The following WDPCP variants were observed in gnomAD, a reference collection of about 807,000 sequenced individuals.
WDPCP encodes the protein WD repeat containing planar cell polarity effector.
In WDPCP, 71 loss-of-function variants were observed where a neutral mutation model predicts 93.1. The observed-to-expected ratio is 0.76, with a 90% confidence interval of 0.63 to 0.93. The LOEUF (loss-of-function observed/expected upper bound fraction) is 0.93. Among genes scored for constraint, WDPCP ranks in the 40% least tolerant of loss-of-function variants. WDPCP has a pLI of 0.00. For missense variants in WDPCP, 844 were observed against 887.4 expected, an observed-to-expected ratio of 0.95 and a Z score of 0.62; for synonymous variants, 315 against 315.0, an observed-to-expected ratio of 1.00 and a Z score of 0.00.
At chr2:63,488,474 A>G (rs147412294) in intron 2 of WDPCP, among the ~76,000 whole-genome samples, 214 of 152,236 alleles carry the variant, frequency 1.4e-3, no homozygotes, top group African/African-American at 5.1e-3. Flanking sequence ...GAGGCATACA[A>G]TTTTAAAGAA....
chr2:63,145,319 G>A (rs189492269), intron 17 of WDPCP, among the ~76,000 whole-genome samples: 4 of 150,378 alleles, frequency 2.7e-5, no homozygotes, highest in South Asian at 2.2e-4. Context: ...CTGGCACTCC[G>A]AAGATTATAT....
In WDPCP at chr2:63,526,391, G is replaced by C. The variant is rs115697316; in HGVS notation, c.76-33451C>G. 3.8e-3 allele frequency among the ~76,000 whole-genome samples: 579 copies of C among 152,278 alleles called. 4 individuals carry two copies. Among genetic ancestry groups the C allele is most frequent in the African/African-American group, 0.013 (541 of 41,552 alleles). The stretch of plus-strand genomic sequence containing the variant: ...ATTTTAAAATATTTGGGGTGAAAAG[G>C]AGAAGCAGTGGCAACTGTTTGAAAA... On this transcript the variant is annotated intron_variant, in intron 1 of 17. Coordinates refer to ENST00000272321, the MANE Select transcript of WDPCP (RefSeq NM_015910.7).
chr2:63,428,874 T>C (rs990635218), intron 9 of WDPCP, among the ~76,000 whole-genome samples: 5 of 152,170 alleles, frequency 3.3e-5, no homozygotes, highest in African/African-American at 1.2e-4. Context: ...TACGAAATAC[T>C]GCTGAAAGAA....
At chr2:63,246,583 G>T (rs1238712886) in intron 14 of WDPCP, among the ~76,000 whole-genome samples, 1 of 152,162 alleles carries the variant, frequency 6.6e-6, no homozygotes, top group Non-Finnish European at 1.5e-5. Flanking sequence ...TCAAAAGGAT[G>T]TTTAGCATGA....
chr2:63,477,137 A>G (rs1034178506), intron 6 of WDPCP, among the ~76,000 whole-genome samples: 5 of 152,186 alleles, frequency 3.3e-5, no homozygotes, highest in Non-Finnish European at 7.3e-5. Context: ...AACTAATTGC[A>G]TAATAATCTA....
At chr2:63,602,934 CTTTTTTTTTTT>C (rs370479356) in intron 3 of WDPCP, among the ~76,000 whole-genome samples, 4 of 131,596 alleles carry the variant, frequency 3.0e-5, no homozygotes, top group Non-Finnish European at 6.7e-5. Context: ...TTTAACCGTT[CTTTTTTTTTTT>C]TTTTTTTTTT....
intron 2 of WDPCP, among the ~76,000 whole-genome samples, chr2:63,782,340 T>C (rs1670407461): frequency 6.6e-6 from 1 of 152,174 alleles, no homozygotes; most frequent in Non-Finnish European, 1.5e-5. Flanking sequence ...AAAAAGCTTC[T>C]ACACAGCAAA....
At chr2:63,433,716 T>TA in intron 9 of WDPCP, 29 bp downstream of exon 9, 6 of 1,561,006 alleles carry the variant, frequency 3.8e-6, no homozygotes, top group Non-Finnish European at 5.3e-6. Flanking sequence ...TACACTTTAT[T>TA]AAAATGTACA....
At chr2:63,707,472 C>T (rs1357311679) in intron 2 of WDPCP, among the ~76,000 whole-genome samples, 1 of 152,208 alleles carries the variant, frequency 6.6e-6, no homozygotes, top group South Asian at 2.1e-4. Context: ...TGGTTTTCAG[C>T]TCCATCAGGT....
chr2:63,156,860 TC>T (rs1221712288), intron 15 of WDPCP, among the ~76,000 whole-genome samples: 1 of 152,246 alleles, frequency 6.6e-6, no homozygotes, highest in Non-Finnish European at 1.5e-5. Context: ...TGGTTTCATT[TC>T]TTCTTTAGTA....
intron 12 of WDPCP, among the ~76,000 whole-genome samples, chr2:63,377,085 A>G (rs1295314846): frequency 1.3e-5 from 2 of 151,908 alleles, no homozygotes; most frequent in African/African-American, 4.8e-5. Flanking sequence ...TATACAATCA[A>G]TAATAGATAA....
chr2:63,358,037 A>G (rs1185354607), intron 12 of WDPCP, among the ~76,000 whole-genome samples: 3 of 152,202 alleles, frequency 2.0e-5, no homozygotes, highest in Admixed American at 6.5e-5. Flanking sequence ...GTTCTCACTT[A>G]TAAGTGGGAG....
chr2:63,251,530 C>T (rs954492141), intron 14 of WDPCP, among the ~76,000 whole-genome samples: 32 of 127,888 alleles, frequency 2.5e-4, no homozygotes, highest in Admixed American at 1.5e-3. Context: ...CTCGCTCTGT[C>T]GTCGAGGCTG....
chr2:63,572,700 T>TAAAA (rs1707608179), intron 1 of WDPCP, among the ~76,000 whole-genome samples: 2 of 2,718 alleles, frequency 7.4e-4, no homozygotes, highest in African/African-American at 6.0e-3. Context: ...AGACTCTGTC[T>TAAAA]CAAAAAAAAA....
At chr2:63,725,623 C>G (rs747460721) in intron 2 of WDPCP, among the ~76,000 whole-genome samples, 2 of 152,168 alleles carry the variant, frequency 1.3e-5, no homozygotes, top group Non-Finnish European at 2.9e-5. Context: ...AAACTCCAAA[C>G]TGCTTTCCAC....
intron 2 of WDPCP, among the ~76,000 whole-genome samples, chr2:63,728,802 G>T (rs1279782382): frequency 6.6e-6 from 1 of 152,064 alleles, no homozygotes; most frequent in Non-Finnish European, 1.5e-5. Context: ...CTTCCAGCAG[G>T]CATCAAGGAA....
chr2:63,630,845 G>A (rs1709857455), intron 3 of WDPCP, among the ~76,000 whole-genome samples: 1 of 152,046 alleles, frequency 6.6e-6, no homozygotes, highest in African/African-American at 2.4e-5. Context: ...CTTATTCTAG[G>A]CAATAAAACA....
intron 14 of WDPCP, among the ~76,000 whole-genome samples, chr2:63,234,241 T>G (rs1295030339): frequency 6.6e-6 from 1 of 152,126 alleles, no homozygotes; most frequent in African/African-American, 2.4e-5. Context: ...TCGAAAAGAA[T>G]AAATGGGTAT....
chr2:63,587,563 TC>T (rs1708947705), intron 1 of WDPCP, among the ~76,000 whole-genome samples: 1 of 152,272 alleles, frequency 6.6e-6, no homozygotes, highest in Non-Finnish European at 1.5e-5. Context: ...AACAATGTTA[TC>T]TAATAGAGAT....
Sources: gnomAD v4.1 joint callset for allele counts (sites outside exome capture counted in the v4.1 genomes callset) on GRCh38, gnomAD v4.1.1 for gene constraint, MANE v1.5 for transcripts, NCBI Gene and HGNC (gene_info 2026-07-23, HGNC 2026-07-21) for gene names.